Variants in GNB1L observed in about 807,000 individuals in gnomAD.
GNB1L encodes guanine nucleotide-binding protein subunit beta-like protein 1.
GNB1L carries 20 observed loss-of-function variants against 29.1 expected under a neutral mutation model. That is an observed-to-expected ratio of 0.69 (90% CI 0.48 to 1.00). The LOEUF is 1.00. GNB1L is among the 50% of genes least tolerant of loss of function. The probability of loss-of-function intolerance (pLI) is 0.00; values close to 1 mark genes in which losing one functional copy is unlikely to be tolerated. For synonymous variants in GNB1L, 193 were observed against 206.5 expected, an observed-to-expected ratio of 0.93 and a Z score of 0.56; for missense variants, 421 against 464.9, an observed-to-expected ratio of 0.91 and a Z score of 0.87.
At chr22:19,829,967 G>A (rs936116839) in intron 2 of GNB1L, among the ~76,000 whole-genome samples, 4 of 152,116 alleles carry the variant, frequency 2.6e-5, no homozygotes, top group African/African-American at 9.7e-5. Context: ...ATTCGACATT[G>A]TAGTGGCAGT....
chr22:19,844,165 A>G (rs75678200), intron 2 of GNB1L, among the ~76,000 whole-genome samples: 3 of 152,284 alleles, frequency 2.0e-5, no homozygotes, highest in Non-Finnish European at 4.4e-5. Context: ...CCCCTTCCAG[A>G]TAGGCCCTGC....
rs187884553 is a variant in GNB1L, at chr22:19,847,054, G to A, written c.-21+7389C>T. The A allele has an allele frequency of 2.9e-4, 288 of 985,452 alleles. 1 individual carries two copies. The African/African-American group carries it at 3.8e-3, about 13-fold the overall frequency. The allele number at this position is 985,452 out of a possible 1,614,324, so 61.0% of individuals were successfully genotyped here. The stretch of plus-strand genomic sequence containing the variant: ...GCCCATAGGATGATCAGCTGCTGCC[G>A]TCCTATGGAACTCAGGTGTGGCTCT... On this transcript the variant is annotated intron_variant, in intron 2 of 7. Transcript: ENST00000329517.
intron 5 of GNB1L, among the ~76,000 whole-genome samples, chr22:19,808,327 C>T (rs1340504331): frequency 1.3e-5 from 2 of 152,142 alleles, no homozygotes; most frequent in African/African-American, 2.4e-5. Flanking sequence ...AACCATCTGA[C>T]GAAAGGGGCC....
intron 2 of GNB1L, chr22:19,851,086 TCTGA>T: frequency 2.0e-6 from 3 of 1,484,276 alleles, no homozygotes; most frequent in Non-Finnish European, 2.7e-6. Context: ...ACCACTCTGC[TCTGA>T]CTGGGGACTA....
At chr22:19,818,376 G>A (rs1206801996) in intron 4 of GNB1L, among the ~76,000 whole-genome samples, 10 of 152,244 alleles carry the variant, frequency 6.6e-5, no homozygotes, top group Admixed American at 6.5e-4. Flanking sequence ...TGGGGTTCTA[G>A]AAATGAAGTC....
chr22:19,819,439 C>A (rs994815729), intron 4 of GNB1L, among the ~76,000 whole-genome samples: 10 of 152,190 alleles, frequency 6.6e-5, no homozygotes, highest in African/African-American at 2.4e-4. Context: ...TCAATGCGGA[C>A]CCCTGGCCAG....
At chr22:19,840,748 T>A (rs1200124872) in intron 2 of GNB1L, among the ~76,000 whole-genome samples, 1 of 150,970 alleles carries the variant, frequency 6.6e-6, no homozygotes. Flanking sequence ...AGGCAGAGAT[T>A]GCAGTGAGCC....
At chr22:19,796,073 G>T (rs1937302911) in intron 7 of GNB1L, among the ~76,000 whole-genome samples, 1 of 152,192 alleles carries the variant, frequency 6.6e-6, no homozygotes, top group South Asian at 2.1e-4. Flanking sequence ...AAAATGTAAA[G>T]GCTATAAAGG....
At chr22:19,848,730 A>G in intron 2 of GNB1L, 1 of 985,396 alleles carries the variant, frequency 1.0e-6, no homozygotes, top group Non-Finnish European at 1.2e-6. Flanking sequence ...ACCATAACTC[A>G]CACACCCCCA....
intron 2 of GNB1L, chr22:19,847,804 CAAAAAAAAAA>C (rs34331843): frequency 3.8e-6 from 2 of 533,108 alleles, no homozygotes; most frequent in Non-Finnish European, 4.5e-6. Context: ...GAATCATAGG[CAAAAAAAAAA>C]AAAAAAAAAA....
At position 19,850,812 on chromosome 22, in the gene GNB1L, G is replaced by A. The variant is rs147172085; in HGVS notation, c.-21+3631C>T. 6,593 of 1,294,162 alleles carry A rather than the reference G, an allele frequency of 5.1e-3. 25 individuals are homozygous for A. Among genetic ancestry groups the A allele is most frequent in the Non-Finnish European group, 5.9e-3 (6,054 of 1,025,258 alleles). 80.2% of individuals were successfully genotyped at this position (1,294,162 alleles called of 1,614,324 possible). ...AGCCAGTGTGGAAGACACCAAGGGG[G>A]GTGTTTTATGGGGGTGGAGGTGACA... On this transcript the variant is annotated intron_variant, in intron 2 of 7. Transcript: ENST00000329517.
chr22:19,838,739 A>T (rs1466019973), intron 2 of GNB1L, among the ~76,000 whole-genome samples: 1 of 152,228 alleles, frequency 6.6e-6, no homozygotes, highest in Non-Finnish European at 1.5e-5. Context: ...GATTACAGGC[A>T]TGAACCACTG....
At chr22:19,820,746 G>T (rs905266910) in intron 3 of GNB1L, 23 bp from the exon 4 acceptor site, 1 of 1,599,690 alleles carries the variant, frequency 6.3e-7, no homozygotes, top group Admixed American at 1.7e-5. Context: ...AGCCGAGCAG[G>T]GTGTCAGGGG....
At chr22:19,830,475 T>C (rs950102227) in intron 2 of GNB1L, among the ~76,000 whole-genome samples, 1 of 152,114 alleles carries the variant, frequency 6.6e-6, no homozygotes, top group African/African-American at 2.4e-5. Flanking sequence ...AGAATAACTT[T>C]AATAAATAAA....
At chr22:19,818,644 T>G (rs1474297639) in intron 4 of GNB1L, among the ~76,000 whole-genome samples, 2 of 152,196 alleles carry the variant, frequency 1.3e-5, no homozygotes, top group Non-Finnish European at 2.9e-5. Context: ...CTCCAGGGAC[T>G]ATACTCCACA....
rs376426350 is a variant in GNB1L at position 19,802,052 on chromosome 22, G to A, written c.681C>T (p.Ser227=). The A allele has an allele frequency of 2.7e-5, 44 of 1,611,630 alleles. No individual in the cohort carries two copies. Among genetic ancestry groups the A allele is most frequent in the African/African-American group, 1.3e-4 (10 of 74,916 alleles). Residue 227 remains serine, a synonymous_variant, in exon 7 of 8, where the codon TCC becomes TCT. Transcript: ENST00000329517. ...DSQKARGISG[S]AGKALAVWSL... ...TCCAGACAGCCAGCGCCTTCCCCGC[G>A]GAGCCTGAGATGCCCCTGGCCTTCT...
intron 5 of GNB1L, among the ~76,000 whole-genome samples, chr22:19,811,361 C>A (rs1421100758): frequency 6.6e-6 from 1 of 152,126 alleles, no homozygotes; most frequent in Non-Finnish European, 1.5e-5. Flanking sequence ...GACAGTAGCC[C>A]CCACGTGTGC....
At chr22:19,796,244 C>T (rs1569038625) in intron 7 of GNB1L, among the ~76,000 whole-genome samples, 1 of 152,210 alleles carries the variant, frequency 6.6e-6, no homozygotes, top group Non-Finnish European at 1.5e-5. Context: ...AGGCCAGCTT[C>T]AAAGTGCATA....
intron 2 of GNB1L, chr22:19,851,073 G>A (rs1482132601): frequency 1.4e-6 from 2 of 1,467,996 alleles, no homozygotes; most frequent in Non-Finnish European, 1.8e-6. Flanking sequence ...GTCATCTGGG[G>A]ACACCACTCT....
Sources: gnomAD v4.1 joint callset for allele counts (sites outside exome capture counted in the v4.1 genomes callset) on GRCh38, gnomAD v4.1.1 for gene constraint, MANE v1.5 for transcripts, NCBI Gene and HGNC (gene_info 2026-07-23, HGNC 2026-07-21) for gene names.